The following ADGRB2 variants were observed in gnomAD, a reference collection of about 807,000 sequenced individuals.
The protein encoded by ADGRB2 is adhesion G protein-coupled receptor B2, also known as brain-specific angiogenesis inhibitor 2.
In ADGRB2, 47 loss-of-function variants were observed where a neutral mutation model predicts 178.7. The ratio of observed to expected loss-of-function variants is 0.26; its 90% CI spans 0.21 to 0.34. ADGRB2 has a LOEUF of 0.34. Ranked by LOEUF, ADGRB2 falls within the 10% of genes least tolerant of loss-of-function variation. The pLI is 1.00. For missense variants in ADGRB2, 1,584 were observed against 2,180.8 expected, an observed-to-expected ratio of 0.73 and a Z score of 5.45; for synonymous variants, 870 against 912.4, an observed-to-expected ratio of 0.95 and a Z score of 0.84.
chr1:31,749,451 C>A (rs1299803193), intron 4 of ADGRB2, among the ~76,000 whole-genome samples: 1 of 152,234 alleles, frequency 6.6e-6, no homozygotes, highest in Non-Finnish European at 1.5e-5. Context: ...GGGTTTGATT[C>A]CCAGCTCTGC....
At position 31,739,317 on chromosome 1, in the gene ADGRB2, G is replaced by A; in HGVS notation, c.2486C>T (p.Pro829Leu). The stretch of plus-strand genomic sequence containing the variant: ...CATCCCCAGGACTCACCTGGGAGGC[G>A]GCAGGATGAGGCCAAGGGTGCGGTA... ...VLYRTLGLIL[P>L]PPRPPLAVTS... The change falls in exon 15 of 33, where the codon CCG (proline) becomes CTG (leucine). Residue 829 changes from proline (P) to leucine (L), a missense_variant. By Grantham distance (98) the Pro-to-Leu change is moderately conservative (BLOSUM62 -3). Around this residue, in one of 3 missense-constraint regions of ADGRB2, gnomAD observed 865 missense variants for 1,192.8 expected, o/e 0.73. Transcript: ENST00000373658. 2.1e-6 allele frequency: 3 copies of A among 1,447,908 alleles called. No homozygotes were observed. Among genetic ancestry groups the A allele is most frequent in the South Asian group, 1.5e-5 (1 of 67,140 alleles). 89.7% of individuals were successfully genotyped at this position (1,447,908 alleles called of 1,614,324 possible).
At position 31,731,480 on chromosome 1, in the gene ADGRB2, T is replaced by A. The variant is rs1299965285; in HGVS notation, c.3761-61A>T. On this transcript the variant is annotated intron_variant, in intron 28 of 32. Transcript: ENST00000373658. The stretch of plus-strand genomic sequence containing the variant: ...GAGGAGAAGGAACCTCCAGATGCCA[T>A]TGCCCAGGCTGGGGAGGTACCAAGC... The A allele has an allele frequency of 7.9e-6, 12 of 1,515,142 alleles. No homozygotes were observed. In the African/African-American group the frequency reaches 1.4e-4, roughly 18 times the overall value. The allele number at this position is 1,515,142 out of a possible 1,614,324, so 93.9% of individuals were successfully genotyped here. A position where few individuals can be genotyped will look rare whatever the true frequency, so the allele number is the denominator to read the frequency against.
chr1:31,732,874 T>C, intron 26 of ADGRB2, 98 bp downstream of exon 26: 1 of 1,444,918 alleles, frequency 6.9e-7, no homozygotes, highest in Admixed American at 2.3e-5. Flanking sequence ...TGGGGCACCC[T>C]GGTCGGGGCC....
At position 31,759,729 on chromosome 1, in the gene ADGRB2, C is replaced by T. The variant is rs1426639364; in HGVS notation, c.-190-2218G>A. ...AATTCCAAGCTGGGTCACAGACAGCCACTGGTTCATTGAAGACCCTCCTGC... is the reference window on the plus strand; with the variant it reads ...AATTCCAAGCTGGGTCACAGACAGCTACTGGTTCATTGAAGACCCTCCTGC... On this transcript the variant is annotated intron_variant, in intron 1 of 32. Transcript: ENST00000373658. The surrounding 1 kb of genome is among the most constrained non-coding windows in gnomAD (Gnocchi z 4.3). 2.6e-5 allele frequency among the ~76,000 whole-genome samples: 4 copies of T among 152,160 alleles called. No individual in the cohort carries two copies. Among genetic ancestry groups the T allele is most frequent in the Non-Finnish European group, 5.9e-5 (4 of 68,020 alleles).
intron 2 of ADGRB2, 25 bp downstream of exon 2, chr1:31,757,357 C>T: frequency 8.9e-7 from 1 of 1,121,364 alleles, no homozygotes; most frequent in Non-Finnish European, 1.3e-6. Flanking sequence ...GAGGTTATTC[C>T]TGGAACAATG....
rs766777850 is a variant in ADGRB2, at chr1:31,727,656, T to C, written c.4573-51A>G. 1.4e-6 allele frequency: 2 copies of C among 1,437,210 alleles called. No homozygotes were observed. The highest frequency in any genetic ancestry group is 1.8e-6 in the Non-Finnish European group (2 of 1,096,250). The allele number at this position is 1,437,210 out of a possible 1,614,324, so 89.0% of individuals were successfully genotyped here. A position where few individuals can be genotyped will look rare whatever the true frequency, so the allele number is the denominator to read the frequency against. ...GGAGATGGGCCAATATCCTTACCCATTGTACAGACGATCAAACTGAGGAGT... is the reference window on the plus strand; with the variant it reads ...GGAGATGGGCCAATATCCTTACCCACTGTACAGACGATCAAACTGAGGAGT... On this transcript the variant is annotated intron_variant, in intron 32 of 32. Coordinates refer to ENST00000373658, the MANE Select transcript of ADGRB2 (RefSeq NM_001364857.2). The surrounding 1 kb of genome is among the most constrained non-coding windows in gnomAD (Gnocchi z 4.4).
Position 31,741,267 on chromosome 1 carries a change from G to T in ADGRB2, c.1794+106C>A. 2.5e-6 allele frequency: 3 copies of T among 1,179,798 alleles called. No individual in the cohort carries two copies. Among genetic ancestry groups the T allele is most frequent in the Non-Finnish European group, 3.6e-6 (3 of 826,988 alleles). 73.1% of individuals were successfully genotyped at this position (1,179,798 alleles called of 1,614,324 possible). A position where few individuals can be genotyped will look rare whatever the true frequency, so the allele number is the denominator to read the frequency against. ...GCACAGCCAGGCAGAAGTGGGCACA[G>T]CATATGCCAAGGCACGTGGGAACGA... is the stretch of plus-strand genomic sequence containing the variant. On this transcript the variant is annotated intron_variant, in intron 11 of 32. Coordinates refer to ENST00000373658, the MANE Select transcript of ADGRB2 (RefSeq NM_001364857.2). The surrounding 1 kb of genome is among the most constrained non-coding windows in gnomAD (Gnocchi z 6.5).
chr1:31,733,080 G>A lies in ADGRB2; in HGVS notation c.3516C>T (p.Val1172=). Residue 1172 remains valine, a synonymous_variant, in exon 26 of 33, where the codon GTC becomes GTT. Coordinates refer to ENST00000373658, the MANE Select transcript of ADGRB2 (RefSeq NM_001364857.2). The surrounding 1 kb of genome is among the most constrained non-coding windows in gnomAD (Gnocchi z 4.3). The part of the protein sequence containing the change: ...PLLALTWMSA[V]LAMTDRRSVL... ...CGGAACGGCGGTCTGTCATAGCCAG[G>A]ACGGCAGACATCCAGGTGAGCGCCA... The A allele has an allele frequency of 2.5e-6, 4 of 1,585,634 alleles. No homozygotes were observed. Among genetic ancestry groups the A allele is most frequent in the Non-Finnish European group, 3.4e-6 (4 of 1,165,976 alleles).
In ADGRB2 at chr1:31,733,720, C is replaced by T. The variant is rs1645422060; in HGVS notation, c.3453-577G>A. On this transcript the variant is annotated intron_variant, in intron 25 of 32. Transcript: ENST00000373658. This position sits in a 1 kb window ranked among gnomAD's most constrained non-coding sequence, Gnocchi z 4.3. ...ACTCCCCCCACACACAGAGAAGACG[C>T]CAGGCTCCCACGGACTGCTCAGAGC... Among the ~76,000 whole-genome samples the T allele has an allele frequency of 6.6e-6, 1 of 152,060 alleles. No homozygotes were observed. Among genetic ancestry groups the T allele is most frequent in the South Asian group, 2.1e-4 (1 of 4,824 alleles).
chr1:31,727,756 G>C lies in ADGRB2; in HGVS notation c.4573-151C>G. The C allele has an allele frequency of 1.0e-6, 1 of 969,750 alleles. No individual in the cohort carries two copies. Among genetic ancestry groups the C allele is most frequent in the Non-Finnish European group, 1.5e-6 (1 of 680,494 alleles). 60.1% of individuals were successfully genotyped at this position (969,750 alleles called of 1,614,324 possible). A position where few individuals can be genotyped will look rare whatever the true frequency, so the allele number is the denominator to read the frequency against. The stretch of plus-strand genomic sequence containing the variant: ...GCAGAATTCAAATACAGACCTGCCT[G>C]GTTCCAGGGTGGGGCTCCTGACCCC... On this transcript the variant is annotated intron_variant, in intron 32 of 32. Coordinates refer to ENST00000373658, the MANE Select transcript of ADGRB2 (RefSeq NM_001364857.2). This position sits in a 1 kb window ranked among gnomAD's most constrained non-coding sequence, Gnocchi z 4.4.
Position 31,741,452 on chromosome 1 carries a change from C to T in ADGRB2, c.1715G>A (p.Ser572Asn), listed in dbSNP as rs745871732. The T allele has an allele frequency of 1.2e-6, 2 of 1,602,466 alleles. No homozygotes were observed. The highest frequency in any genetic ancestry group is 1.7e-5 in the Admixed American group (1 of 58,048). Reference sequence around the variant, plus strand: ...CCCCCAGTACGCCACGCCTTGGGCACTGAGGAGACAGCGGCGGCTGGCAGA... The same window carrying T: ...CCCCCAGTACGCCACGCCTTGGGCATTGAGGAGACAGCGGCGGCTGGCAGA... ...SGSASRRCLL[S>N]AQGVAYWGLP... The change falls in exon 11 of 33, where the codon AGT becomes AAT. Residue 572 changes from serine (S) to asparagine (N), a missense_variant. Ser to Asn is a conservative substitution (Grantham distance 46). Around this residue, in one of 3 missense-constraint regions of ADGRB2, gnomAD observed 657 missense variants for 847.6 expected, o/e 0.78. Coordinates refer to ENST00000373658, the MANE Select transcript of ADGRB2 (RefSeq NM_001364857.2). The surrounding 1 kb of genome is among the most constrained non-coding windows in gnomAD (Gnocchi z 6.5).
intron 1 of ADGRB2, 23 bp downstream of exon 1, chr1:31,763,855 CAGGTCG>C: frequency 1.0e-6 from 1 of 985,032 alleles, no homozygotes; most frequent in Non-Finnish European, 1.2e-6. Context: ...GGTGCGAGGC[CAGGTCG>C]GGGTCTGGGG....
intron 1 of ADGRB2, among the ~76,000 whole-genome samples, chr1:31,762,907 C>G (rs957049939): frequency 2.6e-5 from 4 of 152,224 alleles, no homozygotes; most frequent in Non-Finnish European, 5.9e-5. Context: ...GCCCCTCCCC[C>G]CGGCGGGCAA....
Position 31,735,256 on chromosome 1 carries a change from G to A in ADGRB2, c.3379C>T (p.Leu1127=). ...AGSERCPWAS[L]LLPCSACGAV... ...CCACACGCTGAGCAGGGGAGGAGCA[G>A]GCTGGCCCAGGGGCACCGCTCCGAC... Residue 1127 remains leucine (L), a synonymous_variant, in exon 25 of 33, where the codon CTG becomes TTG. Transcript: ENST00000373658. The surrounding 1 kb of genome is among the most constrained non-coding windows in gnomAD (Gnocchi z 6.0). The A allele has an allele frequency of 6.8e-7, 1 of 1,471,444 alleles. No homozygotes were observed. Among genetic ancestry groups the A allele is most frequent in the Non-Finnish European group, 9.1e-7 (1 of 1,104,016 alleles). The allele number at this position is 1,471,444 out of a possible 1,614,324, so 91.1% of individuals were successfully genotyped here.
chr1:31,746,218 A>G (rs1268188038), intron 4 of ADGRB2, among the ~76,000 whole-genome samples: 2 of 151,932 alleles, frequency 1.3e-5, no homozygotes, highest in Non-Finnish European at 2.9e-5. Flanking sequence ...AACCCTCAGC[A>G]CCCTGCTTGG....
intron 29 of ADGRB2, among the ~76,000 whole-genome samples, chr1:31,730,318 C>A (rs1284912275): frequency 5.3e-5 from 8 of 151,814 alleles, no homozygotes; most frequent in African/African-American, 1.7e-4. Flanking sequence ...AATTATCTAG[C>A]ACTTTCTACT....
chr1:31,731,027 C>A lies in ADGRB2; in HGVS notation c.4153G>T (p.Ala1385Ser). The A allele has an allele frequency of 6.3e-7, 1 of 1,584,460 alleles. No individual in the cohort carries two copies. The highest frequency in any genetic ancestry group is 8.6e-7 in the Non-Finnish European group (1 of 1,162,748). Residue 1385 changes from alanine to serine, a missense_variant, in exon 29 of 33, where the codon GCT becomes TCT. Transcript: ENST00000373658. ...TCAGTGTGGGCCACTGTCTTGGCAG[C>A]TCGCCGGGGGGTCCCCTCCGGCCGG... ...RARPEGTPRR[A>S]AKTVAHTEGY... is the part of the protein sequence containing the mutation.
At chr1:31,730,399 C>T (rs529164559) in intron 29 of ADGRB2, among the ~76,000 whole-genome samples, 66 of 152,326 alleles carry the variant, frequency 4.3e-4, no homozygotes, top group African/African-American at 1.0e-3. Context: ...ACGGTATCCC[C>T]ACTTTACACA....
chr1:31,740,184 G>A lies in ADGRB2; in HGVS notation c.1990-6C>T, dbSNP rs748546638. The A allele has an allele frequency of 4.7e-5, 76 of 1,614,066 alleles. 2 individuals are homozygous for A. In the South Asian group the frequency reaches 8.2e-4, roughly 17 times the overall value. On this transcript the variant is annotated splice_polypyrimidine_tract_variant and splice_region_variant and intron_variant, in intron 12 of 32. Coordinates refer to ENST00000373658, the MANE Select transcript of ADGRB2 (RefSeq NM_001364857.2). The surrounding 1 kb of genome is among the most constrained non-coding windows in gnomAD (Gnocchi z 5.9). ...CTCACCACCTGGAAGAAGCGCTGAG[G>A]AGAGAGCAATGAGTGGCAGGGGGTC... is the stretch of plus-strand genomic sequence containing the variant.
Sources: allele counts gnomAD v4.1 joint callset (sites outside exome capture counted in the v4.1 genomes callset), GRCh38; gene constraint gnomAD v4.1.1; regional missense constraint gnomAD v4.1.1; non-coding constraint Gnocchi (gnomAD v3.1); transcripts MANE v1.5; gene names NCBI Gene and HGNC (gene_info 2026-07-23, HGNC 2026-07-21).